The following MDGA2 variants were observed in gnomAD, a reference collection of about 807,000 sequenced individuals.
MDGA2 encodes MAM domain-containing glycosylphosphatidylinositol anchor protein 2.
In MDGA2, 40 loss-of-function variants were observed where a neutral mutation model predicts 117.8. The observed-to-expected ratio is 0.34, with a 90% CI of 0.26 to 0.44. The LOEUF (loss-of-function observed/expected upper bound fraction) is 0.44, where lower values mean the gene tolerates loss of function less well. Among genes scored for constraint, MDGA2 ranks in the 20% least tolerant of loss-of-function variants. MDGA2 has a pLI of 1.00. For synonymous variants in MDGA2, 452 were observed against 439.0 expected (o/e 1.03, Z -0.37); for missense variants, 1,123 against 1,250.6 (o/e 0.90, Z 1.54).
intron 2 of MDGA2, among the ~76,000 whole-genome samples, chr14:47,293,172 T>A (rs1239089325): frequency 6.6e-6 from 1 of 152,168 alleles, no homozygotes; most frequent in Non-Finnish European, 1.5e-5. Flanking sequence ...CCTCTAAAAA[T>A]GAGTCTCATA....
chr14:46,988,876 C>T (rs1429260109), intron 8 of MDGA2, among the ~76,000 whole-genome samples: 1 of 151,856 alleles, frequency 6.6e-6, no homozygotes, highest in Non-Finnish European at 1.5e-5. Context: ...GCATGCGCAA[C>T]AGAATCCCAT....
At chr14:47,163,941 G>A (rs1883752369) in intron 3 of MDGA2, among the ~76,000 whole-genome samples, 2 of 152,206 alleles carry the variant, frequency 1.3e-5, no homozygotes, top group Non-Finnish European at 2.9e-5. Flanking sequence ...AGGCAGCCAT[G>A]TCCTCACTGG....
intron 5 of MDGA2, among the ~76,000 whole-genome samples, chr14:47,100,558 A>C (rs2138996863): frequency 6.6e-6 from 1 of 152,222 alleles, no homozygotes; most frequent in South Asian, 2.1e-4. Flanking sequence ...ATGTCCATTG[A>C]TTCATCGCAG....
intron 1 of MDGA2, among the ~76,000 whole-genome samples, chr14:47,381,727 G>T (rs947538409): frequency 5.3e-5 from 8 of 152,138 alleles, no homozygotes; most frequent in African/African-American, 1.7e-4. Context: ...CAAACAAATG[G>T]AAGAACATTC....
At chr14:46,976,759 C>G (rs1886475946) in intron 8 of MDGA2, among the ~76,000 whole-genome samples, 1 of 151,656 alleles carries the variant, frequency 6.6e-6, no homozygotes, top group Non-Finnish European at 1.5e-5. Flanking sequence ...TACTTTTTTT[C>G]TCATATTTTT....
intron 3 of MDGA2, among the ~76,000 whole-genome samples, chr14:47,197,835 G>A (rs1382218834): frequency 6.6e-6 from 1 of 152,088 alleles, no homozygotes; most frequent in Non-Finnish European, 1.5e-5. Context: ...TGTGAACCTG[G>A]GATGCAGAGG....
intron 8 of MDGA2, among the ~76,000 whole-genome samples, chr14:47,004,298 A>C (rs1363826691): frequency 3.3e-5 from 5 of 151,868 alleles, no homozygotes; most frequent in African/African-American, 1.2e-4. Flanking sequence ...TGGTGTATGG[A>C]AATCCAACTG....
intron 1 of MDGA2, among the ~76,000 whole-genome samples, chr14:47,609,521 C>A (rs1896809959): frequency 7.4e-6 from 1 of 135,714 alleles, no homozygotes; most frequent in Non-Finnish European, 1.6e-5. Flanking sequence ...CATGATTTTG[C>A]AATTGTGAAT....
At chr14:47,069,753 T>C (rs1594587127) in intron 6 of MDGA2, among the ~76,000 whole-genome samples, 1 of 152,326 alleles carries the variant, frequency 6.6e-6, no homozygotes, top group East Asian at 1.9e-4. Context: ...TGCAACCAGA[T>C]CCATGCATAT....
intron 1 of MDGA2, among the ~76,000 whole-genome samples, chr14:47,530,626 C>T (rs1320086396): frequency 6.6e-6 from 1 of 152,074 alleles, no homozygotes; most frequent in Non-Finnish European, 1.5e-5. Context: ...ATACCAAGTG[C>T]ATTGGCGGCA....
intron 1 of MDGA2, among the ~76,000 whole-genome samples, chr14:47,556,348 T>C (rs1895682806): frequency 6.6e-6 from 1 of 152,192 alleles, no homozygotes; most frequent in Admixed American, 6.5e-5. Flanking sequence ...GCAAAAGTCA[T>C]TCCAAATCCT....
chr14:47,615,378 A>G (rs1346320199), intron 1 of MDGA2, among the ~76,000 whole-genome samples: 1 of 152,226 alleles, frequency 6.6e-6, no homozygotes, highest in Non-Finnish European at 1.5e-5. Flanking sequence ...AGTTATACAG[A>G]TCAATGGCTA....
chr14:46,863,599 T>A (rs940439416), intron 14 of MDGA2, among the ~76,000 whole-genome samples: 2 of 152,160 alleles, frequency 1.3e-5, no homozygotes, highest in African/African-American at 2.4e-5. Flanking sequence ...ATCAATTCAA[T>A]TGATGAAATA....
intron 1 of MDGA2, among the ~76,000 whole-genome samples, chr14:47,634,555 C>T (rs567465929): frequency 9.5e-4 from 145 of 152,060 alleles, no homozygotes; most frequent in Non-Finnish European, 1.5e-3. Flanking sequence ...GCTTGTAAAT[C>T]TGGCCTCCAG....
chr14:46,987,383 A>C (rs970958286), intron 8 of MDGA2, among the ~76,000 whole-genome samples: 1 of 152,098 alleles, frequency 6.6e-6, no homozygotes, highest in African/African-American at 2.4e-5. Flanking sequence ...AAAAATGTCT[A>C]ATGTACAGAA....
chr14:47,465,495 C>A (rs1893583948), intron 1 of MDGA2, among the ~76,000 whole-genome samples: 2 of 151,910 alleles, frequency 1.3e-5, no homozygotes, highest in Admixed American at 6.6e-5. Flanking sequence ...AAAAAACAAA[C>A]AACCCCATTA....
chr14:47,563,127 A>T (rs543423551), intron 1 of MDGA2, among the ~76,000 whole-genome samples: 1 of 152,180 alleles, frequency 6.6e-6, no homozygotes, highest in South Asian at 2.1e-4. Flanking sequence ...TTTTTAAAAA[A>T]AAATTTCTGA....
intron 8 of MDGA2, among the ~76,000 whole-genome samples, chr14:47,026,752 G>A (rs900304683): frequency 2.0e-5 from 3 of 151,964 alleles, no homozygotes; most frequent in African/African-American, 7.3e-5. Flanking sequence ...AACTTTTATA[G>A]TCATACTTAT....
intron 1 of MDGA2, among the ~76,000 whole-genome samples, chr14:47,631,775 C>G (rs1897251548): frequency 1.3e-5 from 2 of 152,074 alleles, no homozygotes; most frequent in South Asian, 4.1e-4. Flanking sequence ...AGCTTCTTGT[C>G]TTGCACACAT....
Sources: allele counts gnomAD v4.1 joint callset (sites outside exome capture counted in the v4.1 genomes callset), GRCh38; gene constraint gnomAD v4.1.1; transcripts MANE v1.5; gene names NCBI Gene and HGNC (gene_info 2026-07-23, HGNC 2026-07-21).